MIOS: variants seen among roughly 807,000 people sequenced by gnomAD.
The protein encoded by MIOS is GATOR2 complex protein MIOS.
MIOS carries 52 observed loss-of-function variants against 96.9 expected under a neutral mutation model. That is an observed-to-expected ratio of 0.54 (90% confidence interval 0.43 to 0.68). The LOEUF (loss-of-function observed/expected upper bound fraction) is 0.68, where lower values mean the gene tolerates loss of function less well. Among genes scored for constraint, MIOS ranks in the 30% least tolerant of loss-of-function variants. MIOS has a pLI of 0.00. For missense variants in MIOS, 1,005 were observed against 1,052.8 expected (o/e 0.95, Z 0.63); for synonymous variants, 397 against 359.5 (o/e 1.10, Z -1.18).
intron 11 of MIOS, 28 bp downstream of exon 11, chr7:7,596,489 T>G (rs1476335749): frequency 1.3e-6 from 2 of 1,570,372 alleles, no homozygotes; most frequent in East Asian, 2.2e-5. Context: ...AAAATACTTT[T>G]ATGAACTGAA....
intron 7 of MIOS, among the ~76,000 whole-genome samples, chr7:7,586,380 C>A: frequency 6.6e-6 from 1 of 152,098 alleles, no homozygotes; most frequent in East Asian, 1.9e-4. Flanking sequence ...GTGATCATAA[C>A]ACAATCAAAT....
chr7:7,584,182 T>G (rs963073440), intron 6 of MIOS, among the ~76,000 whole-genome samples: 5 of 152,256 alleles, frequency 3.3e-5, no homozygotes, highest in African/African-American at 1.2e-4. Context: ...TAATTTTTTT[T>G]GTAGTCTAAA....
In MIOS at chr7:7,573,421, A is replaced by G; in HGVS notation, c.946A>G (p.Arg316Gly). Residue 316 changes from arginine to glycine, a missense_variant, in exon 4 of 13, where the codon AGA becomes GGA. By Grantham distance (125) the Arg-to-Gly change is moderately radical (BLOSUM62 -2). Coordinates refer to ENST00000340080, the MANE Select transcript of MIOS (RefSeq NM_019005.4). The surrounding 1 kb of genome is among the most constrained non-coding windows in gnomAD (Gnocchi z 5.0). Reference sequence around the variant, plus strand: ...TGAAACTGAACCCACAATAATTGAAAGAAGTGTGCAACCTTGTGACAATTA... The same window carrying G: ...TGAAACTGAACCCACAATAATTGAAGGAAGTGTGCAACCTTGTGACAATTA... The part of the protein sequence containing the change: ...GDETEPTIIE[R>G]SVQPCDNYIA... 1.9e-6 allele frequency: 3 copies of G among 1,614,180 alleles called. No homozygotes were observed. Among genetic ancestry groups the G allele is most frequent in the Non-Finnish European group, 1.7e-6 (2 of 1,179,976 alleles).
Position 7,572,456 on chromosome 7 carries a change from C to T in MIOS, c.-20C>T. ...TTCAGTGAATGGACCTGAGTGGACCCTTTGATCACATCAGTAAACATGAGC... is the reference window on the plus strand; with the variant it reads ...TTCAGTGAATGGACCTGAGTGGACCTTTTGATCACATCAGTAAACATGAGC... On this transcript the variant is annotated 5_prime_UTR_variant, in exon 4 of 13. Transcript: ENST00000340080. The surrounding 1 kb of genome is among the most constrained non-coding windows in gnomAD (Gnocchi z 4.8). 6.3e-7 allele frequency: 1 copy of T among 1,583,024 alleles called. No individual in the cohort carries two copies. The highest frequency in any genetic ancestry group is 8.6e-7 in the Non-Finnish European group (1 of 1,157,992).
In MIOS at chr7:7,583,176, A is replaced by C. The variant is rs761192805; in HGVS notation, c.1452A>C (p.Gln484His). 1.9e-6 allele frequency: 3 copies of C among 1,614,190 alleles called. No individual in the cohort carries two copies. The highest frequency in any genetic ancestry group is 2.5e-6 in the Non-Finnish European group (3 of 1,179,998). ...GGTTGGATAAGCAAAGTGATATTCA[A>C]AATTTAAATGAAGAGAGAATCTTAG... ...WSGLDKQSDI[Q>H]NLNEERILAL... Residue 484 changes from glutamine to histidine, a missense_variant, in exon 6 of 13, where the codon CAA (glutamine) becomes CAC (histidine). Coordinates refer to ENST00000340080, the MANE Select transcript of MIOS (RefSeq NM_019005.4).
At chr7:7,584,132 T>G (rs2115411283) in intron 6 of MIOS, among the ~76,000 whole-genome samples, 1 of 152,272 alleles carries the variant, frequency 6.6e-6, no homozygotes, top group Non-Finnish European at 1.5e-5. Context: ...GAAACCATTA[T>G]AGTTTAGCTG....
chr7:7,577,071 G>C (rs1411009742), intron 5 of MIOS, among the ~76,000 whole-genome samples: 1 of 152,178 alleles, frequency 6.6e-6, no homozygotes, highest in Non-Finnish European at 1.5e-5. Context: ...GGAATATAAT[G>C]TATGTCAGAA....
intron 6 of MIOS, among the ~76,000 whole-genome samples, chr7:7,585,420 T>TCCC (rs1314330939): frequency 4.8e-5 from 7 of 144,784 alleles, no homozygotes; most frequent in African/African-American, 7.6e-5. Flanking sequence ...CCCCCCCTTT[T>TCCC]TTTTTTTTTT....
At chr7:7,576,461 G>A (rs1783536943) in intron 5 of MIOS, among the ~76,000 whole-genome samples, 1 of 152,196 alleles carries the variant, frequency 6.6e-6, no homozygotes, top group Admixed American at 6.5e-5. Context: ...GCAGGGATTA[G>A]AGGTTTCTCA....
chr7:7,567,497 C>G (rs1403631521), intron 1 of MIOS, 110 bp from the exon 2 acceptor site: 1 of 152,114 alleles, frequency 6.6e-6, no homozygotes, highest in African/African-American at 2.4e-5. Flanking sequence ...GAGCTCTGTT[C>G]TCTTCTCATA....
intron 5 of MIOS, among the ~76,000 whole-genome samples, chr7:7,580,724 T>A (rs1783687459): frequency 1.5e-5 from 2 of 134,198 alleles, no homozygotes; most frequent in East Asian, 4.6e-4. Context: ...AGAGACAGAA[T>A]CTCACTCTGT....
chr7:7,580,554 G>A (rs903037457), intron 5 of MIOS, among the ~76,000 whole-genome samples: 11 of 151,888 alleles, frequency 7.2e-5, no homozygotes, highest in East Asian at 1.9e-4. Flanking sequence ...TAAAGCAATC[G>A]GATATAATTT....
chr7:7,572,898 A>C lies in MIOS; in HGVS notation c.423A>C (p.Ser141=). Residue 141 remains serine, a synonymous_variant, in exon 4 of 13, where the codon TCA becomes TCC. Coordinates refer to ENST00000340080, the MANE Select transcript of MIOS (RefSeq NM_019005.4). This position sits in a 1 kb window ranked among gnomAD's most constrained non-coding sequence, Gnocchi z 4.8. ...AGLDKHRADF[S]VLIWDICSKY... is the part of the protein sequence containing the mutation. ...TAGATAAGCACAGAGCTGACTTTTC[A>C]GTGCTAATATGGGATATCTGCAGCA... 1.2e-6 allele frequency: 2 copies of C among 1,614,218 alleles called. No homozygotes were observed. The highest frequency in any genetic ancestry group is 1.7e-6 in the Non-Finnish European group (2 of 1,180,014).
In MIOS at chr7:7,607,841, C is replaced by G. The variant is rs1784572752; in HGVS notation, c.*749C>G. ...ATTTCAGGTGAACATACAAAATTTT[C>G]ACTTTCTACCTTTTGCCTTCCAATG... On this transcript the variant is annotated 3_prime_UTR_variant, in exon 13 of 13. Transcript: ENST00000340080. 1 of 152,116 alleles carries G rather than the reference C, an allele frequency of 6.6e-6. No homozygotes were observed. The highest frequency in any genetic ancestry group is 2.1e-4 in the South Asian group (1 of 4,834). The allele number at this position is 152,116 out of a possible 1,614,324, so 9.4% of individuals were successfully genotyped here. A position where few individuals can be genotyped will look rare whatever the true frequency, so the allele number is the denominator to read the frequency against.
chr7:7,595,807 T>C (rs946678738), intron 10 of MIOS, among the ~76,000 whole-genome samples: 2 of 152,230 alleles, frequency 1.3e-5, no homozygotes, highest in Non-Finnish European at 2.9e-5. Context: ...ACAGCTTCTA[T>C]TGCTATTATT....
Position 7,589,563 on chromosome 7 carries a change from G to C in MIOS, c.2043G>C (p.Gln681His). ...AAACAGCAAGTTACTGTATGTTACA[G>C]GTCAGTGCAGTTTGACAGCAGCTTT... ...DVQTASYCML[Q>H]GSPLDVLKDE... The change falls in exon 9 of 13, where the codon CAG becomes CAC. Residue 681 changes from glutamine to histidine, a missense_variant and splice_region_variant. Coordinates refer to ENST00000340080, the MANE Select transcript of MIOS (RefSeq NM_019005.4). 1 of 1,590,998 alleles carries C rather than the reference G, an allele frequency of 6.3e-7. No homozygotes were observed. Among genetic ancestry groups the C allele is most frequent in the Non-Finnish European group, 8.6e-7 (1 of 1,167,658 alleles).
chr7:7,572,965 T>G lies in MIOS; in HGVS notation c.490T>G (p.Ser164Ala), dbSNP rs200915888. Residue 164 changes from serine to alanine, a missense_variant, in exon 4 of 13, where the codon TCA (serine) becomes GCA (alanine). Physicochemically the swap from Ser to Ala is moderately conservative, Grantham distance 99. This residue lies in a region of MIOS where 865 missense variants were observed against 887.9 expected (regional missense o/e 0.97). Coordinates refer to ENST00000340080, the MANE Select transcript of MIOS (RefSeq NM_019005.4). The surrounding 1 kb of genome is among the most constrained non-coding windows in gnomAD (Gnocchi z 4.8). ...AGTTCCCATGGAAAAAGTGAAACTT[T>G]CAGCAGGTGAAACTGAAACAACATT... Reference protein sequence around the residue: ...DIVPMEKVKLSAGETETTLLV... With the variant: ...DIVPMEKVKLAAGETETTLLV... The G allele has an allele frequency of 3.1e-6, 5 of 1,614,166 alleles. No individual in the cohort carries two copies. Among genetic ancestry groups the G allele is most frequent in the Non-Finnish European group, 4.2e-6 (5 of 1,180,002 alleles).
chr7:7,596,832 A>G (rs1434175268), intron 11 of MIOS, among the ~76,000 whole-genome samples: 1 of 152,214 alleles, frequency 6.6e-6, no homozygotes, highest in African/African-American at 2.4e-5. Context: ...TTGTATTTCT[A>G]AGGATCTTTT....
intron 6 of MIOS, among the ~76,000 whole-genome samples, chr7:7,585,037 C>T (rs1783842175): frequency 6.6e-6 from 1 of 152,006 alleles, no homozygotes; most frequent in South Asian, 2.1e-4. Flanking sequence ...TTTGCATTGA[C>T]ACTTATATAC....
Sources: allele counts gnomAD v4.1 joint callset (sites outside exome capture counted in the v4.1 genomes callset), GRCh38; gene constraint gnomAD v4.1.1; regional missense constraint gnomAD v4.1.1; non-coding constraint Gnocchi (gnomAD v3.1); transcripts MANE v1.5; gene names NCBI Gene and HGNC (gene_info 2026-07-23, HGNC 2026-07-21).